Variants in SLC15A5 observed in about 807,000 individuals in gnomAD.
SLC15A5 encodes solute carrier family 15 member 5, also known as Peptide/histidine transporter ENSP00000340402.
SLC15A5 carries 58 observed loss-of-function variants against 56.1 expected under a neutral mutation model. The observed-to-expected ratio is 1.03, with a 90% CI of 0.84 to 1.29. The LOEUF (loss-of-function observed/expected upper bound fraction) is 1.29. SLC15A5 is among the 50% of genes most tolerant of loss of function. The probability of loss-of-function intolerance (pLI) is 0.00; values close to 1 mark genes in which losing one functional copy is unlikely to be tolerated. For synonymous variants in SLC15A5, 264 were observed against 250.5 expected, an observed-to-expected ratio of 1.05 and a Z score of -0.51; for missense variants, 681 against 672.1, an observed-to-expected ratio of 1.01 and a Z score of -0.15.
chr12:16,216,580 A>G (rs1864131507), intron 7 of SLC15A5, among the ~76,000 whole-genome samples: 1 of 152,150 alleles, frequency 6.6e-6, no homozygotes, highest in South Asian at 2.1e-4. Flanking sequence ...AGGACTGTCT[A>G]TGCCAGCTGT....
Position 16,188,734 on chromosome 12 carries a change from G to A in SLC15A5, c.*934C>T, listed in dbSNP as rs1017733722. 1.3e-5 allele frequency: 2 copies of A among 152,156 alleles called. No individual in the cohort carries two copies. The highest frequency in any genetic ancestry group is 4.8e-5 in the African/African-American group (2 of 41,448). 9.4% of individuals were successfully genotyped at this position (152,156 alleles called of 1,614,324 possible). ...TTTGAGTTAAGGCAGTCTGTATAGG[G>A]GCCAGAAAGATTCACCTGTAGCAAG... On this transcript the variant is annotated 3_prime_UTR_variant, in exon 9 of 9. Coordinates refer to ENST00000344941, the MANE Select transcript of SLC15A5 (RefSeq NM_001170798.1).
rs1299908142 is a variant in SLC15A5, at chr12:16,269,031, GAC to G, written c.584+3528_584+3529del. Among the ~76,000 whole-genome samples, 3 of 151,364 alleles carry G rather than the reference GAC, an allele frequency of 2.0e-5. No homozygotes were observed. Among genetic ancestry groups the G allele is most frequent in the Admixed American group, 2.0e-4 (3 of 15,164 alleles). Reference sequence around the variant, plus strand: ...TCCTTTGCCCCTTCCACTATGTGAAGACACAGTGAGAAGCCAGCAGTCTTACA... The same window carrying G: ...TCCTTTGCCCCTTCCACTATGTGAAGACAGTGAGAAGCCAGCAGTCTTACA... On this transcript the variant is annotated intron_variant, in intron 2 of 8. Coordinates refer to ENST00000344941, the MANE Select transcript of SLC15A5 (RefSeq NM_001170798.1). This position sits in a 1 kb window ranked among gnomAD's most constrained non-coding sequence, Gnocchi z 4.7.
chr12:16,240,391 T>TATTTAGGACAC (rs1332548922), intron 4 of SLC15A5, among the ~76,000 whole-genome samples: 2 of 152,102 alleles, frequency 1.3e-5, no homozygotes, highest in African/African-American at 2.4e-5. Flanking sequence ...TGCTGTAGGC[T>TATTTAGGACAC]GTCTTTGAGG....
intron 7 of SLC15A5, 53 bp from the exon 8 acceptor site, chr12:16,194,506 G>T: frequency 8.1e-7 from 1 of 1,235,310 alleles, no homozygotes; most frequent in Non-Finnish European, 1.1e-6. Flanking sequence ...AAGTTTCTGT[G>T]AATATTTTAT....
chr12:16,198,250 A>T (rs560226781), intron 7 of SLC15A5, among the ~76,000 whole-genome samples: 21 of 152,188 alleles, frequency 1.4e-4, no homozygotes, highest in African/African-American at 4.3e-4. Flanking sequence ...ATTTTTTAGA[A>T]TTTTTTTGTG....
At chr12:16,248,506 C>A (rs1192637753) in intron 3 of SLC15A5, among the ~76,000 whole-genome samples, 9 of 152,014 alleles carry the variant, frequency 5.9e-5, no homozygotes, top group Non-Finnish European at 1.2e-4. Context: ...CTAAGTTGAT[C>A]AACTGGACTG....
intron 3 of SLC15A5, 80 bp downstream of exon 3, chr12:16,257,621 T>A: frequency 8.7e-7 from 1 of 1,148,478 alleles, no homozygotes; most frequent in Non-Finnish European, 1.1e-6. Context: ...AAAGAGAAGT[T>A]ATAAAGAATC....
chr12:16,237,853 C>A lies in SLC15A5; in HGVS notation c.1162+1828G>T, dbSNP rs1591651399. 6.6e-6 allele frequency among the ~76,000 whole-genome samples: 1 copy of A among 152,120 alleles called. No homozygotes were observed. The highest frequency in any genetic ancestry group is 2.4e-5 in the African/African-American group (1 of 41,434). On this transcript the variant is annotated intron_variant, in intron 5 of 8. Coordinates refer to ENST00000344941, the MANE Select transcript of SLC15A5 (RefSeq NM_001170798.1). This position sits in a 1 kb window ranked among gnomAD's most constrained non-coding sequence, Gnocchi z 4.1. Reference sequence around the variant, plus strand: ...TTTTACTCCTATTTTGTCCTGCATGCATTATGTTTCAATCATGGACTTGCT... The same window carrying A: ...TTTTACTCCTATTTTGTCCTGCATGAATTATGTTTCAATCATGGACTTGCT...
intron 3 of SLC15A5, among the ~76,000 whole-genome samples, chr12:16,248,091 A>C (rs549911744): frequency 6.6e-6 from 1 of 152,068 alleles, no homozygotes; most frequent in Non-Finnish European, 1.5e-5. Context: ...TTTCCCCCTT[A>C]AACAGCTGGG....
rs1864436228 is a variant in SLC15A5 at position 16,243,817 on chromosome 12, G to A, written c.975+763C>T. On this transcript the variant is annotated intron_variant, in intron 4 of 8. Coordinates refer to ENST00000344941, the MANE Select transcript of SLC15A5 (RefSeq NM_001170798.1). The surrounding 1 kb of genome is among the most constrained non-coding windows in gnomAD (Gnocchi z 4.4). ...CTGTTTAACAAATAAAGTAGTTTAT[G>A]AAGTTAATCTCTAAATTTTGTTGCA... Among the ~76,000 whole-genome samples the A allele has an allele frequency of 6.6e-6, 1 of 152,276 alleles. No homozygotes were observed. The highest frequency in any genetic ancestry group is 1.9e-4 in the East Asian group (1 of 5,172).
At chr12:16,240,001 C>G (rs1864397177) in intron 4 of SLC15A5, 134 bp from the exon 5 acceptor site, 2 of 780,958 alleles carry the variant, frequency 2.6e-6, no homozygotes, top group Non-Finnish European at 4.0e-6. Context: ...TTTTCAAGTT[C>G]CCAGTTATGA....
At position 16,266,834 on chromosome 12, in the gene SLC15A5, T is replaced by C. The variant is rs1350467912; in HGVS notation, c.584+5727A>G. 2.0e-5 allele frequency among the ~76,000 whole-genome samples: 3 copies of C among 152,162 alleles called. No homozygotes were observed. The East Asian group carries it at 5.8e-4, about 29-fold the overall frequency. ...GGAAAATTGAAAGCAGCAGTAAAAA[T>C]ATGTTTCTTTAGCCTACTTTTAAAT... On this transcript the variant is annotated intron_variant, in intron 2 of 8. Coordinates refer to ENST00000344941, the MANE Select transcript of SLC15A5 (RefSeq NM_001170798.1).
chr12:16,245,834 G>T (rs1864455807), intron 3 of SLC15A5, among the ~76,000 whole-genome samples: 1 of 152,110 alleles, frequency 6.6e-6, no homozygotes, highest in African/African-American at 2.4e-5. Flanking sequence ...TAGATAAAAT[G>T]CATTCTAATG....
Position 16,244,710 on chromosome 12 carries a change from C to A in SLC15A5, c.845G>T (p.Ser282Ile). 1 of 1,537,600 alleles carries A rather than the reference C, an allele frequency of 6.5e-7. No individual in the cohort carries two copies. Among genetic ancestry groups the A allele is most frequent in the South Asian group, 1.2e-5 (1 of 84,056 alleles). Residue 282 changes from serine to isoleucine, a missense_variant, in exon 4 of 9, where the codon AGC (serine) becomes ATC (isoleucine). Transcript: ENST00000344941. ...TTTTTCTTTGGCATGGTCTAACTGG[C>A]TTGTCACGTCTCTGCCAAGATGGCA... ...QYCHLGRDVTSQLDHAKEKNG... is the reference protein window; with the variant it reads ...QYCHLGRDVTIQLDHAKEKNG...
chr12:16,194,526 A>G (rs949534117), intron 7 of SLC15A5, 73 bp from the exon 8 acceptor site: 64 of 1,052,780 alleles, frequency 6.1e-5, no homozygotes, highest in South Asian at 5.7e-4. Context: ...TCATTCCACA[A>G]TTCATAGAGC....
intron 2 of SLC15A5, among the ~76,000 whole-genome samples, chr12:16,258,727 G>C (rs1053210099): frequency 1.3e-5 from 2 of 151,962 alleles, no homozygotes; most frequent in Non-Finnish European, 2.9e-5. Flanking sequence ...AATTTAAAGG[G>C]CTTATGTGAT....
At chr12:16,254,372 T>C (rs1397463087) in intron 3 of SLC15A5, among the ~76,000 whole-genome samples, 1 of 152,040 alleles carries the variant, frequency 6.6e-6, no homozygotes, top group Non-Finnish European at 1.5e-5. Flanking sequence ...GCTTTAGTGT[T>C]GCGGCAAGAT....
In SLC15A5 at chr12:16,244,804, C is replaced by G; in HGVS notation, c.755-4G>C. ...ACGCCTGTCAGGAGAGAACAACCTG[C>G]AAGTAATCGGAGATATTATGTATTA... On this transcript the variant is annotated splice_polypyrimidine_tract_variant and splice_region_variant and intron_variant, in intron 3 of 8. Coordinates refer to ENST00000344941, the MANE Select transcript of SLC15A5 (RefSeq NM_001170798.1). The G allele has an allele frequency of 6.5e-7, 1 of 1,536,826 alleles. No individual in the cohort carries two copies. Among genetic ancestry groups the G allele is most frequent in the South Asian group, 1.2e-5 (1 of 83,992 alleles).
In SLC15A5 at chr12:16,235,660, T is replaced by TAAA. The variant is rs1322878022; in HGVS notation, c.1162+4020_1162+4021insTTT. 6.6e-6 allele frequency among the ~76,000 whole-genome samples: 1 copy of TAAA among 152,140 alleles called. No individual in the cohort carries two copies. The highest frequency in any genetic ancestry group is 6.5e-5 in the Admixed American group (1 of 15,268). ...ACAATTCATGGTTTACTTCTTTTGG[T>TAAA]GTTTACGCAGTTCCTCCTATCAAGT... On this transcript the variant is annotated intron_variant, in intron 5 of 8. Transcript: ENST00000344941. The surrounding 1 kb of genome is among the most constrained non-coding windows in gnomAD (Gnocchi z 4.1).
Sources: allele counts gnomAD v4.1 joint callset (sites outside exome capture counted in the v4.1 genomes callset), GRCh38; gene constraint gnomAD v4.1.1; non-coding constraint Gnocchi (gnomAD v3.1); transcripts MANE v1.5; gene names NCBI Gene and HGNC (gene_info 2026-07-23, HGNC 2026-07-21).